CNTN5: variants seen among roughly 807,000 people sequenced by gnomAD.
CNTN5 encodes the protein contactin-5.
In CNTN5, 77 loss-of-function variants were observed where a neutral mutation model predicts 129.1. The ratio of observed to expected loss-of-function variants is 0.60; its 90% CI spans 0.50 to 0.72. CNTN5 has a LOEUF of 0.72. CNTN5 is among the 30% of genes least tolerant of loss of function. The pLI is 0.00. For missense variants in CNTN5, 1,478 were observed against 1,328.8 expected (o/e 1.11, Z -1.75); for synonymous variants, 509 against 465.6 (o/e 1.09, Z -1.20).
At chr11:99,465,189 CTAA>C (rs1255665212) in intron 2 of CNTN5, among the ~76,000 whole-genome samples, 2 of 152,148 alleles carry the variant, frequency 1.3e-5, no homozygotes, top group Non-Finnish European at 2.9e-5. Context: ...TGGAAACTGG[CTAA>C]TAAATACTTC....
chr11:99,381,264 G>T (rs185738941), intron 2 of CNTN5, among the ~76,000 whole-genome samples: 1 of 152,106 alleles, frequency 6.6e-6, no homozygotes, highest in Non-Finnish European at 1.5e-5. Flanking sequence ...GGGAATGGGG[G>T]GAAGAGACAT....
intron 1 of CNTN5, among the ~76,000 whole-genome samples, chr11:99,263,685 T>A (rs565695300): frequency 6.6e-6 from 1 of 152,228 alleles, no homozygotes; most frequent in Admixed American, 6.6e-5. Context: ...GGTGTGATCA[T>A]GGCTCACTGC....
At chr11:100,307,822 G>A (rs527682040) in intron 20 of CNTN5, among the ~76,000 whole-genome samples, 4 of 151,406 alleles carry the variant, frequency 2.6e-5, no homozygotes, top group East Asian at 1.9e-4. Context: ...CATTTTTAAC[G>A]CCAAGCACAG....
intron 2 of CNTN5, among the ~76,000 whole-genome samples, chr11:99,525,966 T>A (rs1159010840): frequency 6.6e-6 from 1 of 151,882 alleles, no homozygotes; most frequent in Non-Finnish European, 1.5e-5. Context: ...ATCAAAGCAG[T>A]TCTACATTTA....
chr11:99,730,939 C>T lies in CNTN5; in HGVS notation c.56-88605C>T, dbSNP rs535451098. 1.9e-3 allele frequency among the ~76,000 whole-genome samples: 282 copies of T among 152,274 alleles called. 2 individuals are homozygous for T. The highest frequency in any genetic ancestry group is 1.3e-3 in the Non-Finnish European group (89 of 68,018). On this transcript the variant is annotated intron_variant, in intron 3 of 24. Coordinates refer to ENST00000524871, the MANE Select transcript of CNTN5 (RefSeq NM_014361.4). ...TACCCATTAACCAACCACACTTCAT[C>T]CTCCTTTTCCCCACCATTTCCCAGC... is the stretch of plus-strand genomic sequence containing the variant.
chr11:99,438,610 A>T (rs1943693274), intron 2 of CNTN5, among the ~76,000 whole-genome samples: 1 of 152,106 alleles, frequency 6.6e-6, no homozygotes, highest in South Asian at 2.1e-4. Context: ...TTAATTTATA[A>T]ATATATTTAT....
chr11:99,941,733 G>A lies in CNTN5; in HGVS notation c.674-15073G>A, dbSNP rs538833052. Among the ~76,000 whole-genome samples the A allele has an allele frequency of 1.1e-3, 173 of 152,042 alleles. 1 individual carries two copies. Among genetic ancestry groups the A allele is most frequent in the Non-Finnish European group, 2.1e-3 (145 of 67,976 alleles). On this transcript the variant is annotated intron_variant, in intron 7 of 24. Transcript: ENST00000524871. ...GTAATGAGCCATGCAGGTAACTGGG[G>A]AATGCGTGTTTGAGGTTAAGGTAAA...
At chr11:99,073,897 G>T (rs7936957) in intron 1 of CNTN5, among the ~76,000 whole-genome samples, 1,735 of 150,462 alleles carry the variant, frequency 0.012, 36 homozygotes, top group African/African-American at 0.041. Flanking sequence ...ACTCAGTAAT[G>T]GGATTGCTGG....
intron 1 of CNTN5, among the ~76,000 whole-genome samples, chr11:99,052,142 T>A (rs570259324): frequency 2.0e-5 from 3 of 151,944 alleles, no homozygotes; most frequent in Admixed American, 6.6e-5. Flanking sequence ...TATGGTTATA[T>A]GTAAGGATAT....
intron 6 of CNTN5, among the ~76,000 whole-genome samples, chr11:99,910,352 T>C (rs1047434262): frequency 3.9e-5 from 6 of 152,070 alleles, no homozygotes; most frequent in Non-Finnish European, 5.9e-5. Context: ...TTATTAAGAA[T>C]CTTATTTGCT....
chr11:99,608,693 T>A (rs568518379), intron 3 of CNTN5, among the ~76,000 whole-genome samples: 1 of 152,278 alleles, frequency 6.6e-6, no homozygotes, highest in Non-Finnish European at 1.5e-5. Context: ...ATGCTAAACT[T>A]GTGTTGCTTA....
intron 3 of CNTN5, among the ~76,000 whole-genome samples, chr11:99,708,788 A>G (rs1954855681): frequency 6.6e-6 from 1 of 151,696 alleles, no homozygotes; most frequent in Non-Finnish European, 1.5e-5. Context: ...TGAAAATCCT[A>G]GAGTCATTTT....
At chr11:100,340,122 T>C (rs1204126031) in intron 21 of CNTN5, among the ~76,000 whole-genome samples, 1 of 152,232 alleles carries the variant, frequency 6.6e-6, no homozygotes, top group African/African-American at 2.4e-5. Flanking sequence ...TGGTAAATTG[T>C]TCTGATGACC....
chr11:99,689,000 T>A (rs1953917352), intron 3 of CNTN5, among the ~76,000 whole-genome samples: 2 of 152,200 alleles, frequency 1.3e-5, no homozygotes, highest in African/African-American at 2.4e-5. Flanking sequence ...CTTTATCCTG[T>A]CTGTCATTGA....
chr11:100,282,551 C>T (rs896587773), intron 18 of CNTN5, among the ~76,000 whole-genome samples: 1 of 152,198 alleles, frequency 6.6e-6, no homozygotes, highest in African/African-American at 2.4e-5. Context: ...GTCCAGCAGT[C>T]GATCTCACCT....
chr11:99,467,060 G>A (rs1944972998), intron 2 of CNTN5, among the ~76,000 whole-genome samples: 1 of 152,068 alleles, frequency 6.6e-6, no homozygotes, highest in Admixed American at 6.6e-5. Context: ...CCTCACTTGA[G>A]TAATACTTTG....
At chr11:99,433,389 GTGTGTGTGTGTGTCTT>G (rs1276743605) in intron 2 of CNTN5, among the ~76,000 whole-genome samples, 3 of 51,224 alleles carry the variant, frequency 5.9e-5, no homozygotes, top group African/African-American at 1.3e-4. Context: ...GTGTGTGTGT[GTGTGTGTGTGTGTCTT>G]TGTGTGTGTG....
intron 3 of CNTN5, among the ~76,000 whole-genome samples, chr11:99,813,991 A>T (rs1260466096): frequency 6.6e-6 from 1 of 152,178 alleles, no homozygotes; most frequent in Non-Finnish European, 1.5e-5. Flanking sequence ...GTCTTGTTGT[A>T]ATAAAAATTA....
intron 17 of CNTN5, among the ~76,000 whole-genome samples, chr11:100,267,134 G>T (rs1298587253): frequency 1.3e-5 from 2 of 151,924 alleles, no homozygotes; most frequent in Non-Finnish European, 2.9e-5. Context: ...GTCAACTCAG[G>T]CTGCTATAAC....
Sources: allele counts gnomAD v4.1 joint callset (sites outside exome capture counted in the v4.1 genomes callset), GRCh38; gene constraint gnomAD v4.1.1; transcripts MANE v1.5; gene names NCBI Gene and HGNC (gene_info 2026-07-23, HGNC 2026-07-21).